The following EIPR1 variants were observed in gnomAD, a reference collection of about 807,000 sequenced individuals.
EIPR1 encodes the protein EARP and GARP complex-interacting protein 1.
Under a neutral mutation model 48.1 loss-of-function variants are expected in EIPR1, and 25 were observed. That is an observed-to-expected ratio of 0.52 (90% confidence interval 0.38 to 0.73). EIPR1 has a LOEUF of 0.73. Among genes scored for constraint, EIPR1 ranks in the 30% least tolerant of loss-of-function variants. EIPR1 has a pLI of 0.00. For missense variants in EIPR1, 415 were observed against 506.2 expected (o/e 0.82, Z 1.73); for synonymous variants, 204 against 201.9 (o/e 1.01, Z -0.09).
chr2:3,335,522 T>TTA (rs1670016557), intron 3 of EIPR1, among the ~76,000 whole-genome samples: 2 of 151,298 alleles, frequency 1.3e-5, no homozygotes, highest in African/African-American at 4.9e-5. Context: ...CGGGGAAGAG[T>TTA]TATACGATGG....
At chr2:3,300,559 T>A (rs1668734950) in intron 3 of EIPR1, among the ~76,000 whole-genome samples, 1 of 152,186 alleles carries the variant, frequency 6.6e-6, no homozygotes, top group South Asian at 2.1e-4. Flanking sequence ...CTCTCCAATG[T>A]GTCCGTTTCT....
chr2:3,246,859 G>C (rs1162748122), intron 4 of EIPR1, among the ~76,000 whole-genome samples: 1 of 68,024 alleles, frequency 1.5e-5, no homozygotes, highest in East Asian at 4.7e-4. Flanking sequence ...GAAGGAGGAA[G>C]GGAGGGAAGG....
rs1419428575 is a variant in EIPR1, at chr2:3,293,626, G to A, written c.260-36171C>T. On this transcript the variant is annotated intron_variant, in intron 3 of 8. Coordinates refer to ENST00000382125, the MANE Select transcript of EIPR1 (RefSeq NM_003310.5). ...CTGCTCCACTTCTCCCCATCACTCT[G>A]GACGCATGTGGTGACAGTCCTCCCG... Among the ~76,000 whole-genome samples, 5 of 152,212 alleles carry A rather than the reference G, an allele frequency of 3.3e-5. No homozygotes were observed. In the East Asian group the frequency reaches 9.6e-4, roughly 29 times the overall value.
chr2:3,339,935 G>A (rs1572463292), intron 2 of EIPR1, among the ~76,000 whole-genome samples: 6 of 152,338 alleles, frequency 3.9e-5, no homozygotes, highest in Non-Finnish European at 8.8e-5. Context: ...GGGCGACAGA[G>A]CGAGACTCCG....
At chr2:3,232,773 A>G (rs1389802130) in intron 4 of EIPR1, among the ~76,000 whole-genome samples, 1 of 152,158 alleles carries the variant, frequency 6.6e-6, no homozygotes, top group Non-Finnish European at 1.5e-5. Context: ...AGCCCCGTGG[A>G]TGGTTATCTA....
intron 5 of EIPR1, among the ~76,000 whole-genome samples, chr2:3,211,568 T>C (rs1222066790): frequency 1.3e-5 from 2 of 152,250 alleles, no homozygotes; most frequent in East Asian, 3.8e-4. Context: ...TGTTTGTTTA[T>C]CTGATCCTCC....
intron 1 of EIPR1, among the ~76,000 whole-genome samples, chr2:3,372,908 C>G (rs1002892050): frequency 6.6e-6 from 1 of 151,924 alleles, no homozygotes; most frequent in Non-Finnish European, 1.5e-5. Context: ...GATACCAAAG[C>G]CGGGCAGAGA....
At chr2:3,301,139 A>G (rs1668751262) in intron 3 of EIPR1, 2 of 152,176 alleles carry the variant, frequency 1.3e-5, no homozygotes, top group Non-Finnish European at 2.9e-5. Flanking sequence ...TTCTTTGGAC[A>G]AGCAGAGGTC....
chr2:3,251,109 G>A (rs532722382), intron 4 of EIPR1, among the ~76,000 whole-genome samples: 1 of 152,338 alleles, frequency 6.6e-6, no homozygotes, highest in Non-Finnish European at 1.5e-5. Context: ...GCACCCCCAA[G>A]GGAGTGTTCA....
intron 2 of EIPR1, among the ~76,000 whole-genome samples, chr2:3,343,098 G>A (rs1186940983): frequency 6.6e-6 from 1 of 152,182 alleles, no homozygotes; most frequent in Non-Finnish European, 1.5e-5. Context: ...GAGGGCCTGG[G>A]CTCCTCCAGT....
intron 3 of EIPR1, chr2:3,319,686 C>G: frequency 1.1e-5 from 2 of 183,208 alleles, no homozygotes; most frequent in South Asian, 9.2e-5. Flanking sequence ...ACTGCACCTG[C>G]GGGCAACACC....
Position 3,257,302 on chromosome 2 carries a change from G to A in EIPR1, c.413C>T (p.Ala138Val). Residue 138 changes from alanine to valine, a missense_variant, in exon 4 of 9, where the codon GCC (alanine) becomes GTC (valine). Coordinates refer to ENST00000382125, the MANE Select transcript of EIPR1 (RefSeq NM_003310.5). ...CATGAAATATGCAAAATCCTACCAG[G>A]CCATGTTGCCATGGGCTGTGTTGTC... ...HLDNTAHGNMACVVWEPMGDG... is the reference protein window; with the variant it reads ...HLDNTAHGNMVCVVWEPMGDG... 1.9e-6 allele frequency: 3 copies of A among 1,612,708 alleles called. No homozygotes were observed. Among genetic ancestry groups the A allele is most frequent in the Non-Finnish European group, 2.5e-6 (3 of 1,178,992 alleles).
intron 3 of EIPR1, among the ~76,000 whole-genome samples, chr2:3,314,970 T>C (rs1167342541): frequency 2.6e-5 from 4 of 151,720 alleles, no homozygotes; most frequent in African/African-American, 9.7e-5. Context: ...CCACACAGCA[T>C]CTTCTGCTGC....
Position 3,204,001 on chromosome 2 carries a change from T to C in EIPR1, c.517-6984A>G, listed in dbSNP as rs1442184501. On this transcript the variant is annotated intron_variant, in intron 5 of 8. Coordinates refer to ENST00000382125, the MANE Select transcript of EIPR1 (RefSeq NM_003310.5). ...TGAGGTGTGCTTGGATTCCAGGTTA[T>C]CCACACAAAAGCTGAGGTCACACAC... Among the ~76,000 whole-genome samples the C allele has an allele frequency of 2.0e-5, 3 of 152,228 alleles. No individual in the cohort carries two copies. In the East Asian group the frequency reaches 5.8e-4, roughly 29 times the overall value.
At chr2:3,269,613 AT>A (rs1558263740) in intron 3 of EIPR1, among the ~76,000 whole-genome samples, 2 of 118,596 alleles carry the variant, frequency 1.7e-5, no homozygotes, top group African/African-American at 6.4e-5. Context: ...GCACTCAATC[AT>A]CACAATCATC....
intron 2 of EIPR1, among the ~76,000 whole-genome samples, chr2:3,353,741 T>C (rs973837433): frequency 3.9e-5 from 6 of 152,312 alleles, no homozygotes; most frequent in Middle Eastern, 3.4e-3. Flanking sequence ...TAGTTGCCAA[T>C]GACTATGCTG....
chr2:3,334,880 G>A (rs950061673), intron 3 of EIPR1, among the ~76,000 whole-genome samples: 4 of 152,222 alleles, frequency 2.6e-5, no homozygotes, highest in Admixed American at 6.5e-5. Context: ...GTCAGTCTCT[G>A]GAAGCCACGA....
At chr2:3,305,667 C>T (rs780899013) in intron 3 of EIPR1, among the ~76,000 whole-genome samples, 24 of 152,228 alleles carry the variant, frequency 1.6e-4, no homozygotes, top group Admixed American at 3.9e-4. Context: ...GAAAGACAGA[C>T]AAAGGGGGAC....
At chr2:3,203,041 G>A (rs1308328601) in intron 5 of EIPR1, among the ~76,000 whole-genome samples, 1 of 152,156 alleles carries the variant, frequency 6.6e-6, no homozygotes, top group Non-Finnish European at 1.5e-5. Flanking sequence ...AATACAACTC[G>A]TTATCAGTTA....
Sources: gnomAD v4.1 joint callset for allele counts (sites outside exome capture counted in the v4.1 genomes callset) on GRCh38, gnomAD v4.1.1 for gene constraint, MANE v1.5 for transcripts, NCBI Gene and HGNC (gene_info 2026-07-23, HGNC 2026-07-21) for gene names.